PHF8: variants seen among roughly 807,000 people sequenced by gnomAD.
PHF8 encodes the protein histone lysine demethylase PHF8.
In PHF8, 9 loss-of-function variants were observed where a neutral mutation model predicts 74.4. That is an observed-to-expected ratio of 0.12 (90% CI 0.07 to 0.21). The LOEUF (loss-of-function observed/expected upper bound fraction) is 0.21. Ranked by LOEUF, PHF8 falls within the 10% of genes least tolerant of loss-of-function variation. The probability of loss-of-function intolerance (pLI) is 1.00; values close to 1 mark genes in which losing one functional copy is unlikely to be tolerated. For missense variants in PHF8, 478 were observed against 816.6 expected (o/e 0.59, Z 5.05); for synonymous variants, 311 against 316.6 (o/e 0.98, Z 0.19).
chrX:54,015,654 G>A (rs782533258), intron 6 of PHF8, among the ~76,000 whole-genome samples: 39 of 109,618 alleles, frequency 3.6e-4, no homozygotes, highest in Non-Finnish European at 7.0e-4. Flanking sequence ...TACCATTGAG[G>A]GAAAGTGGCT....
Position 53,938,180 on chromosome X carries a change from C to T in PHF8, c.*978G>A, listed in dbSNP as rs1557082342. 1.5e-5 allele frequency: 16 copies of T among 1,096,585 alleles called. No homozygotes were observed. The highest frequency in any genetic ancestry group is 2.4e-5 in the South Asian group (1 of 42,358). The allele number at this position is 1,096,585 out of a possible 1,213,427, so 90.4% of individuals were successfully genotyped here. A position where few individuals can be genotyped will look rare whatever the true frequency, so the allele number is the denominator to read the frequency against. ...TGGAGGACCCAGGTGTGGGCCGTCC[C>T]GCCACACCCTCCATAATGTCCAGGC... is the stretch of plus-strand genomic sequence containing the variant. On this transcript the variant is annotated 3_prime_UTR_variant, in exon 22 of 22. Transcript: ENST00000338154.
intron 8 of PHF8, among the ~76,000 whole-genome samples, chrX:54,005,849 T>C (rs1733540587): frequency 9.1e-6 from 1 of 110,387 alleles, no homozygotes; most frequent in African/African-American, 3.3e-5. Context: ...CATTTACTGA[T>C]GGAAAAAAAC....
chrX:53,959,771 T>A (rs2065071197), intron 19 of PHF8, among the ~76,000 whole-genome samples: 1 of 100,232 alleles, frequency 1.0e-5, no homozygotes, highest in African/African-American at 3.8e-5. Context: ...GGCTGAGGTA[T>A]GAGAATCGTT....
chrX:53,952,515 T>C (rs2064941531), intron 19 of PHF8, among the ~76,000 whole-genome samples: 1 of 111,968 alleles, frequency 8.9e-6, no homozygotes, highest in Non-Finnish European at 1.9e-5. Flanking sequence ...AAAGATGTAA[T>C]TTGTGACAGT....
At chrX:54,025,527 C>T (rs1207709688) in intron 2 of PHF8, among the ~76,000 whole-genome samples, 1 of 111,475 alleles carries the variant, frequency 9.0e-6, no homozygotes, top group East Asian at 2.8e-4. Flanking sequence ...CGCTGAAGAA[C>T]CTGCTCAGAT....
intron 2 of PHF8, among the ~76,000 whole-genome samples, chrX:54,025,098 G>C (rs6612420): frequency 4.5e-5 from 5 of 110,530 alleles, no homozygotes; most frequent in African/African-American, 3.3e-5. Flanking sequence ...GGATGGTCTC[G>C]ATCTCCTGAC....
At chrX:53,952,376 T>C (rs1557087186) in intron 19 of PHF8, among the ~76,000 whole-genome samples, 1 of 110,881 alleles carries the variant, frequency 9.0e-6, no homozygotes, top group Admixed American at 9.6e-5. Flanking sequence ...TAAAGAGCAC[T>C]GGTAAAGGTA....
intron 14 of PHF8, 54 bp downstream of exon 14, chrX:53,992,682 G>T: frequency 1.4e-6 from 1 of 712,333 alleles, no homozygotes; most frequent in Non-Finnish European, 2.2e-6. Flanking sequence ...CTGTCTCAGT[G>T]GCATATTACC....
chrX:53,963,020 C>A (rs1350035542), intron 18 of PHF8, 81 bp from the exon 19 acceptor site: 3 of 600,695 alleles, frequency 5.0e-6, no homozygotes, highest in Non-Finnish European at 8.8e-6. Context: ...CCAGCTCCTG[C>A]CCTTCCCCTA....
intron 2 of PHF8, among the ~76,000 whole-genome samples, chrX:54,033,333 A>G (rs782732164): frequency 1.8e-5 from 2 of 112,478 alleles, no homozygotes; most frequent in East Asian, 5.6e-4. Flanking sequence ...GAGATGACAC[A>G]GATGTTGGAA....
chrX:54,048,415 C>T (rs1293546361), upstream of PHF8, among the ~76,000 whole-genome samples: 2 of 111,966 alleles, frequency 1.8e-5, no homozygotes, highest in Non-Finnish European at 3.8e-5. Flanking sequence ...GAGGCAGTCA[C>T]AGTTAATTCA....
At chrX:54,011,426 C>T in intron 7 of PHF8, 142 bp from the exon 8 acceptor site, 1 of 509,263 alleles carries the variant, frequency 2.0e-6, no homozygotes, top group Non-Finnish European at 3.4e-6. Flanking sequence ...ATCCAATTAT[C>T]ATTTCTTTGT....
chrX:54,017,837 G>A lies in PHF8; in HGVS notation c.294-16C>T. 3 of 1,205,182 alleles carry A rather than the reference G, an allele frequency of 2.5e-6. No individual in the cohort carries two copies. Among genetic ancestry groups the A allele is most frequent in the Non-Finnish European group, 3.4e-6 (3 of 889,890 alleles). ...TTCATCTGAGCTGTGGGCCGCAGGA[G>A]AGAAAGCTTGAGCCTGAGGCCCTGC... On this transcript the variant is annotated splice_polypyrimidine_tract_variant and intron_variant, in intron 4 of 21. Transcript: ENST00000338154.
chrX:54,037,687 G>A (rs782570788), intron 2 of PHF8, among the ~76,000 whole-genome samples: 2 of 111,927 alleles, frequency 1.8e-5, no homozygotes, highest in South Asian at 3.7e-4. Context: ...GTCAATTCTC[G>A]GAAAGTACAC....
chrX:53,956,504 T>A (rs1350110998), intron 19 of PHF8, among the ~76,000 whole-genome samples: 1 of 111,673 alleles, frequency 9.0e-6, no homozygotes, highest in Non-Finnish European at 1.9e-5. Flanking sequence ...TAAGCAATTC[T>A]TTGTAGATCA....
intron 10 of PHF8, among the ~76,000 whole-genome samples, chrX:54,001,953 G>A (rs1299179022): frequency 2.7e-5 from 3 of 110,977 alleles, no homozygotes; most frequent in Non-Finnish European, 5.7e-5. Flanking sequence ...GGTAGCACTA[G>A]GGAGATTTTT....
At chrX:54,018,032 C>T (rs1448856643) in intron 4 of PHF8, among the ~76,000 whole-genome samples, 1 of 111,787 alleles carries the variant, frequency 8.9e-6, no homozygotes, top group East Asian at 2.8e-4. Context: ...ATTCTGCCAA[C>T]ATGGTGCTCT....
intron 19 of PHF8, among the ~76,000 whole-genome samples, chrX:53,945,136 G>A (rs2086589669): frequency 9.0e-6 from 1 of 110,504 alleles, no homozygotes; most frequent in African/African-American, 3.3e-5. Flanking sequence ...ACGAGGTCAG[G>A]AGATCAAGAC....
chrX:53,986,790 G>T (rs781957715), intron 16 of PHF8, among the ~76,000 whole-genome samples: 1 of 110,340 alleles, frequency 9.1e-6, no homozygotes, highest in Non-Finnish European at 1.9e-5. Flanking sequence ...TTTTTTTAAA[G>T]AATTAGCTAC....
Sources: gnomAD v4.1 joint callset for allele counts (sites outside exome capture counted in the v4.1 genomes callset) on GRCh38, gnomAD v4.1.1 for gene constraint, MANE v1.5 for transcripts, NCBI Gene and HGNC (gene_info 2026-07-23, HGNC 2026-07-21) for gene names.